Variants in TASOR2 observed in about 807,000 individuals in gnomAD.
TASOR2 encodes the protein protein TASOR 2.
A neutral mutation model predicts 199.5 loss-of-function variants in TASOR2; 84 were observed. That is an observed-to-expected ratio of 0.42 (90% CI 0.35 to 0.50). The LOEUF (loss-of-function observed/expected upper bound fraction) is 0.50, where lower values mean the gene tolerates loss of function less well. Ranked by LOEUF, TASOR2 falls within the 20% of genes least tolerant of loss-of-function variation. TASOR2 has a pLI of 0.02. For missense variants in TASOR2, 2,796 were observed against 2,835.9 expected (o/e 0.99, Z 0.32); for synonymous variants, 1,103 against 1,046.6 (o/e 1.05, Z -1.04).
In TASOR2 at chr10:5,762,526, T is replaced by TTTTAA. The variant is rs1554784518; in HGVS notation, c.7175-6_7175-5insTTTAA. ...ACCAAAAGTTGTTTTTTTTTTTTTT[T>TTTTAA]AACAGACAAGCCTACTATCCCCAGA... On this transcript the variant is annotated splice_region_variant and splice_polypyrimidine_tract_variant and intron_variant, in intron 19 of 20. Transcript: ENST00000328090. 1.6e-5 allele frequency: 11 copies of TTTTAA among 699,628 alleles called. No individual in the cohort carries two copies. Among genetic ancestry groups the TTTTAA allele is most frequent in the South Asian group, 8.4e-5 (3 of 35,808 alleles). 43.3% of individuals were successfully genotyped at this position (699,628 alleles called of 1,614,324 possible).
intron 1 of TASOR2, chr10:5,712,503 A>G: frequency 1.6e-6 from 2 of 1,231,768 alleles, no homozygotes; most frequent in Non-Finnish European, 2.0e-6. Context: ...AGTACAGTCA[A>G]GTGACTTTGG....
chr10:5,754,827 AG>A lies in TASOR2; in HGVS notation c.6607-1784del, dbSNP rs1374684114. Among the ~76,000 whole-genome samples, 2 of 151,322 alleles carry A rather than the reference AG, an allele frequency of 1.3e-5. No individual in the cohort carries two copies. Among genetic ancestry groups the A allele is most frequent in the East Asian group, 3.9e-4 (2 of 5,072 alleles). On this transcript the variant is annotated intron_variant, in intron 15 of 20. Coordinates refer to ENST00000328090, the Ensembl canonical transcript of TASOR2. This position sits in a 1 kb window ranked among gnomAD's most constrained non-coding sequence, Gnocchi z 4.3. Reference sequence around the variant, plus strand: ...GGGAGGCCGAGGTGGGCGGATCACAAGGTCAGGAGATTGAGACCTTCCTGGC... The same window carrying A: ...GGGAGGCCGAGGTGGGCGGATCACAAGTCAGGAGATTGAGACCTTCCTGGC...
At chr10:5,747,904 C>G in exon 15 of TASOR2, 1 of 1,613,770 alleles carries the variant, frequency 6.2e-7, no homozygotes. Context: ...TAGACCAACC[C>G]TTCCTGGTAA....
At position 5,746,211 on chromosome 10, in the gene TASOR2, G is replaced by A. The variant is rs773682687; in HGVS notation, c.2790G>A (p.Leu930=). 27 of 1,579,922 alleles carry A rather than the reference G, an allele frequency of 1.7e-5. No homozygotes were observed. In the South Asian group the frequency reaches 2.6e-4, roughly 15 times the overall value. ...GGGAAGAAGCTAAACAAGAATCATT[G>A]GAGACTTCTAATCTTGTGCTTTCGG... The change falls in exon 15 of 21, where the codon TTG becomes TTA. Residue 930 remains leucine (L), a synonymous_variant. Coordinates refer to ENST00000328090, the Ensembl canonical transcript of TASOR2.
chr10:5,686,769 T>TA (rs1835860333), intron 1 of TASOR2, among the ~76,000 whole-genome samples: 2 of 152,252 alleles, frequency 1.3e-5, no homozygotes, highest in Admixed American at 6.5e-5. Context: ...AAAAGTTAAA[T>TA]CTTTTTAGGC....
At chr10:5,745,111 TAAAACAAA>T (rs976241698) in intron 14 of TASOR2, among the ~76,000 whole-genome samples, 7 of 152,222 alleles carry the variant, frequency 4.6e-5, no homozygotes, top group African/African-American at 1.4e-4. Flanking sequence ...AGGCTTTAAA[TAAAACAAA>T]AAACAAATAC....
chr10:5,703,781 C>T (rs1294051221), intron 1 of TASOR2, among the ~76,000 whole-genome samples: 6 of 151,972 alleles, frequency 3.9e-5, no homozygotes, highest in Admixed American at 1.3e-4. Flanking sequence ...GGATTACAGG[C>T]GTGAGCCACC....
intron 2 of TASOR2, chr10:5,714,723 T>A (rs1056895140): frequency 2.0e-5 from 3 of 152,202 alleles, no homozygotes; most frequent in Non-Finnish European, 4.4e-5. Flanking sequence ...TTTATAGAGT[T>A]GTTGAGAGGA....
intron 6 of TASOR2, among the ~76,000 whole-genome samples, chr10:5,721,373 TA>T (rs918492121): frequency 2.0e-5 from 3 of 152,212 alleles, no homozygotes; most frequent in African/African-American, 4.8e-5. Context: ...GTATTTACAT[TA>T]AAAGCAATTA....
Position 5,720,936 on chromosome 10 carries a change from T to C in TASOR2, c.112T>C (p.Trp38Arg), listed in dbSNP as rs752988514. 2 of 1,613,572 alleles carry C rather than the reference T, an allele frequency of 1.2e-6. No homozygotes were observed. The highest frequency in any genetic ancestry group is 2.2e-5 in the South Asian group (2 of 90,950). ...CCGTATGCTATGTGATATAGCTCTT[T>C]GGTCCACTTACGGTGCAATGATTCC... Residue 38 changes from tryptophan (W) to arginine (R), a missense_variant, in exon 6 of 21, where the codon TGG (tryptophan) becomes CGG (arginine). Physicochemically the swap from Trp to Arg is moderately radical, Grantham distance 101. Transcript: ENST00000328090. The surrounding 1 kb of genome is among the most constrained non-coding windows in gnomAD (Gnocchi z 5.3).
At chr10:5,747,106 C>T (rs780950998) in exon 15 of TASOR2, 2 of 1,614,108 alleles carry the variant, frequency 1.2e-6, no homozygotes, top group Non-Finnish European at 1.7e-6. Context: ...GTCAGGATGC[C>T]ACACATCAGG....
rs376366948 is a variant in TASOR2 at position 5,728,095 on chromosome 10, C to T, written c.487+972C>T. 5.3e-5 allele frequency among the ~76,000 whole-genome samples: 8 copies of T among 151,868 alleles called. No homozygotes were observed. The South Asian group carries it at 1.7e-3, about 32-fold the overall frequency. On this transcript the variant is annotated intron_variant, in intron 10 of 20. Transcript: ENST00000328090. The stretch of plus-strand genomic sequence containing the variant: ...GAAAAATTAGGCGTGGTGGCTTGCA[C>T]CTGTGGTCCAATCTCCTTGGGAGGC...
exon 7 of TASOR2, chr10:5,723,736 C>G (rs1198396143): frequency 6.2e-7 from 1 of 1,603,760 alleles, no homozygotes; most frequent in Non-Finnish European, 8.5e-7. Flanking sequence ...AAAAGACTAC[C>G]AGAGGCTGCC....
rs769683636 is a variant in TASOR2 at position 5,761,448 on chromosome 10, C to A, written c.7151C>A (p.Ala2384Asp). Reference sequence around the variant, plus strand: ...AACCTGCAAATTCAGCATATTGATGCCAGGTTTGCTGTCCTCCTAACAGGT... The same window carrying A: ...AACCTGCAAATTCAGCATATTGATGACAGGTTTGCTGTCCTCCTAACAGGT... The change falls in exon 19 of 21, where the codon GCC (alanine) becomes GAC (aspartate). Residue 2384 changes from alanine (A) to aspartate (D), a missense_variant. By Grantham distance (126) the Ala-to-Asp change is moderately radical. Around this residue, in one of 3 missense-constraint regions of TASOR2, gnomAD observed 1,941 missense variants for 1,924.9 expected, o/e 1.01. Transcript: ENST00000328090. 1.1e-5 allele frequency: 18 copies of A among 1,612,456 alleles called. 1 individual carries two copies. In the South Asian group the frequency reaches 1.9e-4, roughly 17 times the overall value.
At position 5,754,889 on chromosome 10, in the gene TASOR2, A is replaced by C. The variant is rs1376277170; in HGVS notation, c.6607-1724A>C. Among the ~76,000 whole-genome samples the C allele has an allele frequency of 1.3e-5, 2 of 151,784 alleles. No homozygotes were observed. Among genetic ancestry groups the C allele is most frequent in the Non-Finnish European group, 2.9e-5 (2 of 67,960 alleles). On this transcript the variant is annotated intron_variant, in intron 15 of 20. Coordinates refer to ENST00000328090, the Ensembl canonical transcript of TASOR2. The surrounding 1 kb of genome is among the most constrained non-coding windows in gnomAD (Gnocchi z 4.3). ...AAACCCCATCTCTACTAAAAATACA[A>C]AAAGAAATTAGCTGGGCGTGGTGGC...
chr10:5,694,374 A>G (rs576146700), intron 1 of TASOR2, among the ~76,000 whole-genome samples: 1 of 152,252 alleles, frequency 6.6e-6, no homozygotes, highest in South Asian at 2.1e-4. Context: ...GTAAATATTT[A>G]TTGAAACCCT....
At chr10:5,725,390 CAAAAAAAAAAAAAAAAAAA>C (rs59186946) in intron 8 of TASOR2, among the ~76,000 whole-genome samples, 2 of 78,962 alleles carry the variant, frequency 2.5e-5, no homozygotes, top group East Asian at 3.8e-4. Context: ...GACTCCATCT[CAAAAAAAAAAAAAAAAAAA>C]AAAAAAAAAA....
chr10:5,709,520 T>G, intron 1 of TASOR2: 2 of 1,229,926 alleles, frequency 1.6e-6, no homozygotes, highest in Non-Finnish European at 1.0e-6. Flanking sequence ...TTTTTCTTTC[T>G]TCATTTTAGC....
intron 8 of TASOR2, among the ~76,000 whole-genome samples, chr10:5,726,469 G>A (rs1208097802): frequency 2.0e-5 from 3 of 152,102 alleles, no homozygotes; most frequent in East Asian, 1.9e-4. Flanking sequence ...TAGATTCAGC[G>A]TTTTGGGATA....
Sources: gnomAD v4.1 joint callset for allele counts (sites outside exome capture counted in the v4.1 genomes callset) on GRCh38, gnomAD v4.1.1 for gene constraint, gnomAD v4.1.1 regional missense constraint, Gnocchi (gnomAD v3.1) non-coding constraint, MANE v1.5 for transcripts, NCBI Gene and HGNC (gene_info 2026-07-23, HGNC 2026-07-21) for gene names.